The following LCORL variants were observed in gnomAD, a reference collection of about 807,000 sequenced individuals.
LCORL encodes the protein ligand-dependent nuclear receptor corepressor-like protein.
LCORL carries 41 observed loss-of-function variants against 141.8 expected under a neutral mutation model. The ratio of observed to expected loss-of-function variants is 0.29; its 90% CI spans 0.23 to 0.38. The LOEUF (loss-of-function observed/expected upper bound fraction) is 0.38, where lower values mean the gene tolerates loss of function less well. LCORL is among the 10% of genes least tolerant of loss of function. The pLI, the probability that LCORL is intolerant of heterozygous loss-of-function variation, is 1.00. For synonymous variants in LCORL, 618 were observed against 694.1 expected (o/e 0.89, Z 1.72); for missense variants, 1,759 against 2,035.0 (o/e 0.86, Z 2.61).
intron 6 of LCORL, chr4:17,881,034 AT>A (rs1727496304): frequency 3.1e-6 from 3 of 981,726 alleles, no homozygotes; most frequent in Middle Eastern, 5.2e-4. Context: ...AACTAAAAAA[AT>A]CAGTCTCACT....
chr4:17,932,582 T>C (rs951963693), intron 4 of LCORL, among the ~76,000 whole-genome samples: 1 of 152,180 alleles, frequency 6.6e-6, no homozygotes, highest in Non-Finnish European at 1.5e-5. Flanking sequence ...ATATGGCCAA[T>C]GCTCACAATC....
At chr4:17,955,981 A>G (rs1292924916) in intron 4 of LCORL, among the ~76,000 whole-genome samples, 3 of 152,134 alleles carry the variant, frequency 2.0e-5, no homozygotes, top group African/African-American at 7.2e-5. Context: ...AATCCCATTA[A>G]AAAGTGGGCA....
chr4:17,859,369 G>C (rs1391754623), intron 7 of LCORL, among the ~76,000 whole-genome samples: 1 of 152,142 alleles, frequency 6.6e-6, no homozygotes, highest in Non-Finnish European at 1.5e-5. Context: ...AGGAGCATCA[G>C]TACTAAGAGA....
At chr4:17,870,176 T>C (rs6844090) in intron 7 of LCORL, among the ~76,000 whole-genome samples, 11,893 of 152,138 alleles carry the variant, frequency 0.078, 952 homozygotes, top group African/African-American at 0.21. Context: ...ATTTTTGAGA[T>C]ACCTAGGTTG....
At chr4:17,882,213 T>A in intron 6 of LCORL, 1 of 984,608 alleles carries the variant, frequency 1.0e-6, no homozygotes, top group Non-Finnish European at 1.2e-6. Flanking sequence ...ACACAAGCAT[T>A]TGACAAGGTG....
intron 4 of LCORL, among the ~76,000 whole-genome samples, chr4:17,928,439 T>C (rs1735503121): frequency 6.6e-6 from 1 of 152,172 alleles, no homozygotes; most frequent in African/African-American, 2.4e-5. Flanking sequence ...AATCAATTCA[T>C]ATAATTCAGC....
chr4:17,965,037 G>T (rs1242237292), intron 2 of LCORL, among the ~76,000 whole-genome samples: 2 of 151,976 alleles, frequency 1.3e-5, no homozygotes, highest in East Asian at 3.9e-4. Flanking sequence ...ATTGCCAGTT[G>T]TAAGATAATA....
Position 17,884,394 on chromosome 4 carries a change from A to G in LCORL, c.776+1674T>C. On this transcript the variant is annotated intron_variant, in intron 6 of 7. Coordinates refer to ENST00000635767, the Ensembl canonical transcript of LCORL. The surrounding 1 kb of genome is among the most constrained non-coding windows in gnomAD (Gnocchi z 4.4). ...AGAGTTAGCTGATGGAGGTAAGTGG[A>G]AGCTGTTGGGAATTTTATTTCTGAG... The G allele has an allele frequency of 6.5e-7, 1 of 1,548,912 alleles. No individual in the cohort carries two copies. Among genetic ancestry groups the G allele is most frequent in the South Asian group, 1.2e-5 (1 of 83,802 alleles).
At chr4:17,952,470 C>A (rs1447621050) in intron 4 of LCORL, among the ~76,000 whole-genome samples, 1 of 147,094 alleles carries the variant, frequency 6.8e-6, no homozygotes, top group Admixed American at 6.9e-5. Flanking sequence ...GGCTGGAGTG[C>A]AGTGGCGCGA....
At chr4:17,972,798 T>A (rs1293486060) in intron 2 of LCORL, 22 bp downstream of exon 2, 2 of 1,313,592 alleles carry the variant, frequency 1.5e-6, no homozygotes, top group African/African-American at 3.1e-5. Flanking sequence ...TGACAACTTT[T>A]AAATAAAATT....
In LCORL at chr4:17,892,517, G is replaced by A. The variant is rs1483906135; in HGVS notation, c.683-6356C>T. 3.3e-5 allele frequency among the ~76,000 whole-genome samples: 5 copies of A among 152,086 alleles called. No individual in the cohort carries two copies. The East Asian group carries it at 7.7e-4, about 24-fold the overall frequency. ...GAACCACCATGCCCGGGCTCAAATAGTTTTTTAACTGGAAGGTTATTTTCT... is the reference window on the plus strand; with the variant it reads ...GAACCACCATGCCCGGGCTCAAATAATTTTTTAACTGGAAGGTTATTTTCT... On this transcript the variant is annotated intron_variant, in intron 5 of 7. Transcript: ENST00000635767.
chr4:17,890,041 A>G (rs1728858650), intron 5 of LCORL, among the ~76,000 whole-genome samples: 1 of 152,034 alleles, frequency 6.6e-6, no homozygotes, highest in Non-Finnish European at 1.5e-5. Flanking sequence ...TATTCTCTGC[A>G]GTCTATCTTA....
At chr4:17,844,428 G>C (rs1434310262) in exon 8 of LCORL, 4 of 152,260 alleles carry the variant, frequency 2.6e-5, no homozygotes, top group African/African-American at 9.7e-5. Flanking sequence ...ATTTACTTAA[G>C]GTGAAATTTT....
intron 7 of LCORL, among the ~76,000 whole-genome samples, chr4:17,851,678 A>G (rs1251472829): frequency 6.6e-6 from 1 of 152,202 alleles, no homozygotes; most frequent in Non-Finnish European, 1.5e-5. Flanking sequence ...GTGTTCAAGT[A>G]TATCTATAGA....
At position 17,966,542 on chromosome 4, in the gene LCORL, T is replaced by C. The variant is rs116085716; in HGVS notation, c.221-3493A>G. Among the ~76,000 whole-genome samples, 406 of 152,276 alleles carry C rather than the reference T, an allele frequency of 2.7e-3. 4 individuals are homozygous for C. The highest frequency in any genetic ancestry group is 9.1e-3 in the African/African-American group (379 of 41,572). On this transcript the variant is annotated intron_variant, in intron 2 of 7. Transcript: ENST00000635767. The stretch of plus-strand genomic sequence containing the variant: ...CTGAAACAGAAAGCACCAACCCAGA[T>C]GATTTCCATACAATCTGTCTCTAAA...
rs747869114 is a variant in LCORL at position 17,843,372 on chromosome 4, C to A, written c.*2516G>T. 1.2e-6 allele frequency: 2 copies of A among 1,611,854 alleles called. No homozygotes were observed. The highest frequency in any genetic ancestry group is 3.3e-5 in the Admixed American group (2 of 59,942). The stretch of plus-strand genomic sequence containing the variant: ...ACCAAGACGAGCCAAAACCGCAGCA[C>A]TAGAAAAAAGTAAACTTAACCTTGC... On this transcript the variant is annotated 3_prime_UTR_variant, in exon 8 of 8. Transcript: ENST00000635767.
intron 6 of LCORL, among the ~76,000 whole-genome samples, chr4:17,878,918 C>T (rs1577310948): frequency 6.6e-6 from 1 of 151,124 alleles, no homozygotes; most frequent in South Asian, 2.1e-4. Context: ...AACTAAGAAC[C>T]GGGCTTGCTT....
intron 4 of LCORL, among the ~76,000 whole-genome samples, chr4:17,949,793 G>A (rs2109529712): frequency 6.6e-6 from 1 of 152,260 alleles, no homozygotes; most frequent in African/African-American, 2.4e-5. Context: ...CAGTAAAAGA[G>A]TTGAGTTTTA....
At chr4:17,873,712 T>C (rs917803070) in exon 7 of LCORL, 2 of 1,233,772 alleles carry the variant, frequency 1.6e-6, no homozygotes, top group Non-Finnish European at 2.0e-6. Context: ...GTCTGATGAG[T>C]ATTTCCACTG....
Sources: allele counts gnomAD v4.1 joint callset (sites outside exome capture counted in the v4.1 genomes callset), GRCh38; gene constraint gnomAD v4.1.1; non-coding constraint Gnocchi (gnomAD v3.1); transcripts MANE v1.5; gene names NCBI Gene and HGNC (gene_info 2026-07-23, HGNC 2026-07-21).